PLCL2: variants seen among roughly 807,000 people sequenced by gnomAD.
PLCL2 encodes phospholipase C like 2.
A neutral mutation model predicts 79.6 loss-of-function variants in PLCL2; 4 were observed. The observed-to-expected ratio is 0.05, with a 90% CI of 0.02 to 0.11. PLCL2 has a LOEUF of 0.11. PLCL2 is among the 10% of genes least tolerant of loss of function. The pLI, the probability that PLCL2 is intolerant of heterozygous loss-of-function variation, is 1.00. For missense variants in PLCL2, 895 were observed against 1,291.0 expected (o/e 0.69, Z 4.70); for synonymous variants, 484 against 457.7 (o/e 1.06, Z -0.73).
chr3:16,904,754 G>T (rs1056244787), intron 1 of PLCL2, among the ~76,000 whole-genome samples: 1 of 151,652 alleles, frequency 6.6e-6, no homozygotes. Context: ...TCATGGGGGC[G>T]GTTACCTCCA....
chr3:16,898,328 C>T (rs921589555), intron 1 of PLCL2, among the ~76,000 whole-genome samples: 1 of 151,538 alleles, frequency 6.6e-6, no homozygotes, highest in African/African-American at 2.4e-5. Flanking sequence ...ACATTCAGTA[C>T]TCAGTAATAT....
rs189164788 is a variant in PLCL2, at chr3:16,965,272, A to G, written c.328-44402A>G. On this transcript the variant is annotated intron_variant, in intron 1 of 5. Transcript: ENST00000615277. ...GTTTTCCCAGCACCGTTTATTAAAT[A>G]GGGAATCCTTTCTCCCGTTTCTTGT... Among the ~76,000 whole-genome samples, 531 of 152,346 alleles carry G rather than the reference A, an allele frequency of 3.5e-3. 3 individuals carry two copies. The highest frequency in any genetic ancestry group is 0.012 in the African/African-American group (485 of 41,564).
At chr3:17,006,671 T>C (rs2064263067) in intron 1 of PLCL2, among the ~76,000 whole-genome samples, 1 of 152,198 alleles carries the variant, frequency 6.6e-6, no homozygotes, top group East Asian at 1.9e-4. Context: ...TTGATGTCAT[T>C]ATATCTGCCC....
At chr3:17,017,682 G>A (rs1276748787) in intron 3 of PLCL2, among the ~76,000 whole-genome samples, 1 of 152,136 alleles carries the variant, frequency 6.6e-6, no homozygotes, top group Non-Finnish European at 1.5e-5. Flanking sequence ...GGCAAGTTGA[G>A]AAACTCCTCC....
At chr3:16,897,490 T>C (rs781400754) in intron 1 of PLCL2, among the ~76,000 whole-genome samples, 1 of 152,180 alleles carries the variant, frequency 6.6e-6, no homozygotes, top group South Asian at 2.1e-4. Context: ...CTAGGAAAAA[T>C]TGTCTTTAGA....
chr3:17,049,584 C>A (rs1263003825), intron 4 of PLCL2, among the ~76,000 whole-genome samples: 1 of 151,722 alleles, frequency 6.6e-6, no homozygotes, highest in Non-Finnish European at 1.5e-5. Context: ...CTTAAAATAG[C>A]CCCAAATAAA....
chr3:17,019,611 C>T (rs145226205), intron 3 of PLCL2, among the ~76,000 whole-genome samples: 1,638 of 152,144 alleles, frequency 0.011, 30 homozygotes, highest in Admixed American at 0.046. Context: ...GTCACAGGCA[C>T]CTTATTTTTT....
chr3:17,072,435 G>A (rs550143669), intron 5 of PLCL2, among the ~76,000 whole-genome samples: 9 of 152,022 alleles, frequency 5.9e-5, no homozygotes, highest in Admixed American at 4.6e-4. Flanking sequence ...TTGGGAGGCC[G>A]AGCTGCATGG....
rs983383202 is a variant in PLCL2, at chr3:17,009,405, A to G, written c.328-269A>G. Among the ~76,000 whole-genome samples the G allele has an allele frequency of 1.3e-5, 2 of 152,156 alleles. No individual in the cohort carries two copies. The highest frequency in any genetic ancestry group is 4.1e-4 in the South Asian group (2 of 4,822). ...CCAAAGTGCTGAGTTTATAGGTGTGAACCTCCGTCCCTGGCCTGAAATTGT... is the reference window on the plus strand; with the variant it reads ...CCAAAGTGCTGAGTTTATAGGTGTGGACCTCCGTCCCTGGCCTGAAATTGT... On this transcript the variant is annotated intron_variant, in intron 1 of 5. Transcript: ENST00000615277. The surrounding 1 kb of genome is among the most constrained non-coding windows in gnomAD (Gnocchi z 4.0).
intron 1 of PLCL2, among the ~76,000 whole-genome samples, chr3:17,001,477 A>G (rs182996263): frequency 6.6e-6 from 1 of 152,236 alleles, no homozygotes; most frequent in East Asian, 1.9e-4. Context: ...TAGTAGTTTC[A>G]TAGTTTCAGG....
At chr3:17,028,588 T>TA (rs2064543833) in intron 3 of PLCL2, among the ~76,000 whole-genome samples, 1 of 152,002 alleles carries the variant, frequency 6.6e-6, no homozygotes, top group Non-Finnish European at 1.5e-5. Flanking sequence ...ACAATTCTCC[T>TA]GCCTCAGCCT....
chr3:17,080,841 G>C (rs1188334839), intron 5 of PLCL2, among the ~76,000 whole-genome samples: 1 of 152,320 alleles, frequency 6.6e-6, no homozygotes, highest in East Asian at 1.9e-4. Flanking sequence ...AGAGTGAATT[G>C]TCTACACAGT....
chr3:16,938,841 A>G (rs1453895327), intron 1 of PLCL2, among the ~76,000 whole-genome samples: 1 of 152,242 alleles, frequency 6.6e-6, no homozygotes, highest in African/African-American at 2.4e-5. Flanking sequence ...TACCTGAAAC[A>G]GAGATAGCTA....
chr3:16,959,887 C>T (rs956330281), intron 1 of PLCL2, among the ~76,000 whole-genome samples: 5 of 152,138 alleles, frequency 3.3e-5, no homozygotes, highest in South Asian at 4.1e-4. Flanking sequence ...AGGCGGATCA[C>T]GAGGTCAGGG....
chr3:17,015,889 A>G (rs557900361), intron 3 of PLCL2, among the ~76,000 whole-genome samples: 16 of 152,262 alleles, frequency 1.1e-4, no homozygotes, highest in Non-Finnish European at 1.9e-4. Flanking sequence ...TTCAAGGGAA[A>G]GAAAAAAGAC....
intron 1 of PLCL2, among the ~76,000 whole-genome samples, chr3:16,958,691 A>G (rs2063728351): frequency 1.3e-5 from 2 of 152,222 alleles, no homozygotes; most frequent in Non-Finnish European, 2.9e-5. Context: ...CTCCCTTTCA[A>G]TTCATGCATT....
intron 1 of PLCL2, among the ~76,000 whole-genome samples, chr3:16,984,103 G>A (rs1445507360): frequency 6.6e-6 from 1 of 151,536 alleles, no homozygotes; most frequent in African/African-American, 2.4e-5. Context: ...GTTCATGAAC[G>A]CGTGGAGGGT....
chr3:16,899,218 C>CA (rs1303678050), intron 1 of PLCL2, among the ~76,000 whole-genome samples: 2 of 152,214 alleles, frequency 1.3e-5, no homozygotes, highest in African/African-American at 2.4e-5. Flanking sequence ...ACAACACCAG[C>CA]AGACAGCTTA....
intron 4 of PLCL2, among the ~76,000 whole-genome samples, chr3:17,062,148 C>T (rs2064959423): frequency 6.6e-6 from 1 of 152,102 alleles, no homozygotes; most frequent in Non-Finnish European, 1.5e-5. Context: ...AAAGAGCAGC[C>T]ACACCAGGCC....
Sources: allele counts gnomAD v4.1 joint callset (sites outside exome capture counted in the v4.1 genomes callset), GRCh38; gene constraint gnomAD v4.1.1; non-coding constraint Gnocchi (gnomAD v3.1); transcripts MANE v1.5; gene names NCBI Gene and HGNC (gene_info 2026-07-23, HGNC 2026-07-21).